Variants in PTBP3 observed in about 807,000 individuals in gnomAD.
PTBP3 encodes the protein polypyrimidine tract-binding protein 3.
Under a neutral mutation model 58.7 loss-of-function variants are expected in PTBP3, and 20 were observed. The observed-to-expected ratio is 0.34, with a 90% CI of 0.24 to 0.50. PTBP3 has a LOEUF of 0.50. Among genes scored for constraint, PTBP3 ranks in the 20% least tolerant of loss-of-function variants. PTBP3 has a pLI of 0.98. For missense variants in PTBP3, 509 were observed against 637.2 expected, an observed-to-expected ratio of 0.80 and a Z score of 2.17; for synonymous variants, 185 against 219.8, an observed-to-expected ratio of 0.84 and a Z score of 1.40.
intron 7 of PTBP3, among the ~76,000 whole-genome samples, chr9:112,244,476 C>A (rs1247196182): frequency 6.6e-6 from 1 of 151,350 alleles, no homozygotes; most frequent in Admixed American, 6.6e-5. Flanking sequence ...GAGTTTTAGA[C>A]CAATCTAGGT....
At chr9:112,254,912 A>C (rs926824617) in intron 5 of PTBP3, among the ~76,000 whole-genome samples, 1 of 152,238 alleles carries the variant, frequency 6.6e-6, no homozygotes, top group African/African-American at 2.4e-5. Context: ...AGAGATATGC[A>C]TATACCCATG....
intron 1 of PTBP3, among the ~76,000 whole-genome samples, chr9:112,332,138 C>A (rs937453104): frequency 6.6e-6 from 1 of 152,036 alleles, no homozygotes; most frequent in Non-Finnish European, 1.5e-5. Flanking sequence ...CTTCAATTCC[C>A]CCCCAAAATA....
chr9:112,348,251 A>G, the PTBP3 span, among the ~76,000 whole-genome samples: 1 of 152,330 alleles, frequency 6.6e-6, no homozygotes, highest in East Asian at 1.9e-4. Flanking sequence ...GGCAGTTGGT[A>G]AATTATTTCT....
At chr9:112,361,304 G>A in the PTBP3 span, among the ~76,000 whole-genome samples, 1 of 152,024 alleles carries the variant, frequency 6.6e-6, no homozygotes, top group South Asian at 2.1e-4. Flanking sequence ...TCACCATGTT[G>A]GTCAGGCTGG....
At chr9:112,322,164 C>T (rs1342459693) in intron 1 of PTBP3, among the ~76,000 whole-genome samples, 2 of 149,552 alleles carry the variant, frequency 1.3e-5, no homozygotes, top group African/African-American at 5.0e-5. Flanking sequence ...AAAGAAAGGC[C>T]CTTTCCAGTC....
At chr9:112,321,920 G>A (rs1049523785) in intron 1 of PTBP3, among the ~76,000 whole-genome samples, 4 of 152,000 alleles carry the variant, frequency 2.6e-5, no homozygotes, top group Admixed American at 2.6e-4. Context: ...CGGATCACAA[G>A]GCCAGGAGAT....
At chr9:112,272,118 A>C (rs1057449817) in intron 3 of PTBP3, among the ~76,000 whole-genome samples, 29 of 151,934 alleles carry the variant, frequency 1.9e-4, no homozygotes, top group African/African-American at 7.0e-4. Context: ...ACTGGACCGC[A>C]GTGGCGTGAT....
Position 112,220,135 on chromosome 9 carries a change from T to C in PTBP3, c.*3716A>G, listed in dbSNP as rs1257722765. The C allele has an allele frequency of 5.4e-6, 7 of 1,295,206 alleles. No individual in the cohort carries two copies. The highest frequency in any genetic ancestry group is 7.1e-6 in the Non-Finnish European group (7 of 991,856). The allele number at this position is 1,295,206 out of a possible 1,614,324, so 80.2% of individuals were successfully genotyped here. A position where few individuals can be genotyped will look rare whatever the true frequency, so the allele number is the denominator to read the frequency against. ...AAAAATAGCAGTACACATTAGGTTT[T>C]CTAAGGGATAGGTGGGGAAAAACAC... On this transcript the variant is annotated 3_prime_UTR_variant, in exon 14 of 14. Transcript: ENST00000374257.
Position 112,224,755 on chromosome 9 carries a change from A to C in PTBP3, c.1365-545T>G, listed in dbSNP as rs533706693. The stretch of plus-strand genomic sequence containing the variant: ...CTGTAAACACTTTGGATACTGTAGA[A>C]ATGACAATGTGTGACTTTTGAAGCT... On this transcript the variant is annotated intron_variant, in intron 12 of 13. Coordinates refer to ENST00000374257, the MANE Select transcript of PTBP3 (RefSeq NM_001163788.4). Among the ~76,000 whole-genome samples, 4 of 152,312 alleles carry C rather than the reference A, an allele frequency of 2.6e-5. No homozygotes were observed. The South Asian group carries it at 8.3e-4, about 32-fold the overall frequency.
chr9:112,289,969 G>A (rs1031460216), intron 2 of PTBP3, among the ~76,000 whole-genome samples: 11 of 152,068 alleles, frequency 7.2e-5, no homozygotes, highest in Non-Finnish European at 1.3e-4. Context: ...GACTTCTTAA[G>A]CTGAGAAAGA....
chr9:112,311,437 T>C (rs1169584590), intron 1 of PTBP3, among the ~76,000 whole-genome samples: 2 of 152,210 alleles, frequency 1.3e-5, no homozygotes, highest in Admixed American at 1.3e-4. Flanking sequence ...TTAAGTTATA[T>C]GGAAATACAG....
At chr9:112,248,960 G>A (rs1835994112) in intron 7 of PTBP3, among the ~76,000 whole-genome samples, 2 of 152,176 alleles carry the variant, frequency 1.3e-5, no homozygotes, top group South Asian at 4.1e-4. Flanking sequence ...CCACATGTAT[G>A]AATATGGATG....
intron 5 of PTBP3, among the ~76,000 whole-genome samples, chr9:112,257,692 C>A (rs1249301312): frequency 6.6e-6 from 1 of 152,126 alleles, no homozygotes; most frequent in East Asian, 1.9e-4. Context: ...GTAATCCCAG[C>A]ACTTTGGGAG....
intron 4 of PTBP3, among the ~76,000 whole-genome samples, chr9:112,263,062 T>C (rs1836664255): frequency 6.6e-6 from 1 of 152,070 alleles, no homozygotes; most frequent in Non-Finnish European, 1.5e-5. Context: ...AAGAAGAGTA[T>C]AAAATATTTT....
At chr9:112,378,898 GGA>G in the PTBP3 span, among the ~76,000 whole-genome samples, 3 of 152,282 alleles carry the variant, frequency 2.0e-5, no homozygotes, top group Non-Finnish European at 2.9e-5. Context: ...ATAACAAAGG[GGA>G]GAGAGGCCGG....
chr9:112,340,615 G>T, the PTBP3 span, among the ~76,000 whole-genome samples: 11 of 152,166 alleles, frequency 7.2e-5, no homozygotes, highest in Admixed American at 7.2e-4. Context: ...GGGTGCAGTG[G>T]CTCACGCCTG....
the PTBP3 span, among the ~76,000 whole-genome samples, chr9:112,361,842 T>C: frequency 6.6e-6 from 1 of 152,194 alleles, no homozygotes; most frequent in Non-Finnish European, 1.5e-5. Context: ...TACTGAACCA[T>C]TTTATACTTC....
chr9:112,340,594 T>C, the PTBP3 span, among the ~76,000 whole-genome samples: 1 of 152,206 alleles, frequency 6.6e-6, no homozygotes, highest in South Asian at 2.1e-4. Context: ...TAAAATCTCT[T>C]GTTTAGGGCC....
intron 1 of PTBP3, among the ~76,000 whole-genome samples, chr9:112,311,618 G>GCAT (rs1829477617): frequency 6.6e-6 from 1 of 152,022 alleles, no homozygotes; most frequent in Non-Finnish European, 1.5e-5. Context: ...CATGGATTTT[G>GCAT]GCCCCCCCTA....
Sources: allele counts gnomAD v4.1 joint callset (sites outside exome capture counted in the v4.1 genomes callset), GRCh38; gene constraint gnomAD v4.1.1; transcripts MANE v1.5; gene names NCBI Gene and HGNC (gene_info 2026-07-23, HGNC 2026-07-21).